C18orf54: variants seen among roughly 807,000 people sequenced by gnomAD.
C18orf54 encodes the protein chromosome 18 open reading frame 54, also known as lung adenoma susceptibility protein 2.
A neutral mutation model predicts 49.3 loss-of-function variants in C18orf54; 49 were observed. The observed-to-expected ratio is 0.99, with a 90% CI of 0.79 to 1.26. The LOEUF is 1.26. Ranked by LOEUF, C18orf54 falls within the 50% of genes most tolerant of loss-of-function variation. C18orf54 has a pLI of 0.00. For missense variants in C18orf54, 687 were observed against 620.6 expected, an observed-to-expected ratio of 1.11 and a Z score of -1.14; for synonymous variants, 211 against 216.6, an observed-to-expected ratio of 0.97 and a Z score of 0.23.
chr18:54,372,542 T>C lies in C18orf54; in HGVS notation c.1403T>C (p.Val468Ala), dbSNP rs1042540935. The change falls in exon 7 of 9, where the codon GTA becomes GCA. Residue 468 changes from valine to alanine, a missense_variant. By Grantham distance (64) the Val-to-Ala change is moderately conservative (BLOSUM62 0). Transcript: ENST00000620105. ...CAAATGTTATTTAACCTTCAAGCAG[T>C]ACAAGAACGTTTTAATCAAAATAAG... ...LKQMLFNLQA[V>A]QERFNQNKTT... 1 of 1,610,674 alleles carries C rather than the reference T, an allele frequency of 6.2e-7. No individual in the cohort carries two copies. Among genetic ancestry groups the C allele is most frequent in the Non-Finnish European group, 8.5e-7 (1 of 1,177,844 alleles).
At chr18:54,367,457 T>A (rs1358723559) in intron 6 of C18orf54, among the ~76,000 whole-genome samples, 1 of 152,068 alleles carries the variant, frequency 6.6e-6, no homozygotes, top group Non-Finnish European at 1.5e-5. Flanking sequence ...TAAGAAAGAG[T>A]TTATTTCTTT....
chr18:54,364,491 A>G (rs1322993497), intron 5 of C18orf54, among the ~76,000 whole-genome samples: 2 of 152,090 alleles, frequency 1.3e-5, no homozygotes, highest in African/African-American at 4.8e-5. Context: ...ACTAAGGGTG[A>G]ATTGCTGAGA....
In C18orf54 at chr18:54,360,702, C is replaced by T. The variant is rs1287489541; in HGVS notation, c.130C>T (p.Leu44=). Residue 44 remains leucine (L), a synonymous_variant, in exon 3 of 9, where the codon CTG becomes TTG. Transcript: ENST00000620105. ...SDGSFHYKDK[L]YRSASQALQA... is the part of the protein sequence containing the mutation. ...TGGCTCGTTTCACTATAAAGATAAG[C>T]TGTACAGATCTGCTTCTCAAGCTCT... 1 of 1,614,048 alleles carries T rather than the reference C, an allele frequency of 6.2e-7. No homozygotes were observed. The highest frequency in any genetic ancestry group is 1.7e-5 in the Admixed American group (1 of 60,022).
intron 8 of C18orf54, among the ~76,000 whole-genome samples, chr18:54,375,421 G>T (rs8087515): frequency 0.73 from 108,477 of 148,270 alleles, 40,096 homozygotes; most frequent in African/African-American, 0.84. Context: ...TGATAGTGAT[G>T]AATTATTCAT....
rs186359095 is a variant in C18orf54 at position 54,368,284 on chromosome 18, G to A, written c.1326+2463G>A. Among the ~76,000 whole-genome samples, 43 of 151,864 alleles carry A rather than the reference G, an allele frequency of 2.8e-4. No homozygotes were observed. The East Asian group carries it at 7.1e-3, about 25-fold the overall frequency. On this transcript the variant is annotated intron_variant, in intron 6 of 8. Transcript: ENST00000620105. ...TCTTGTGTTTGTTTGTTGGTATCTT[G>A]GCATCTTTCTGAATTATTTTCTGTG...
chr18:54,362,202 G>A lies in C18orf54; in HGVS notation c.843G>A (p.Gln281=), dbSNP rs148606843. Residue 281 remains glutamine, a synonymous_variant, in exon 4 of 9, where the codon CAG becomes CAA. Transcript: ENST00000620105. ...LPDANSQRVY[Q]IFKDDQCSPR... is the part of the protein sequence containing the mutation. Reference sequence around the variant, plus strand: ...ATGCAAATAGTCAAAGGGTTTATCAGATATTTAAAGATGATCAGTGTTCCC... The same window carrying A: ...ATGCAAATAGTCAAAGGGTTTATCAAATATTTAAAGATGATCAGTGTTCCC... 122 of 1,536,236 alleles carry A rather than the reference G, an allele frequency of 7.9e-5. No homozygotes were observed. Among genetic ancestry groups the A allele is most frequent in the Non-Finnish European group, 1.0e-4 (119 of 1,146,884 alleles).
At chr18:54,362,998 A>G in intron 5 of C18orf54, 77 bp downstream of exon 5, 1 of 1,352,174 alleles carries the variant, frequency 7.4e-7, no homozygotes, top group Non-Finnish European at 1.0e-6. Context: ...TTATATTTAA[A>G]CGAACGGTAA....
At chr18:54,369,189 T>C (rs1308076617) in intron 6 of C18orf54, among the ~76,000 whole-genome samples, 1 of 152,184 alleles carries the variant, frequency 6.6e-6, no homozygotes, top group Non-Finnish European at 1.5e-5. Flanking sequence ...TGTTTATCTG[T>C]GTACATATAT....
At position 54,379,943 on chromosome 18, in the gene C18orf54, TAA is replaced by T. The variant is rs1310004687; in HGVS notation, c.*1699_*1700del. On this transcript the variant is annotated 3_prime_UTR_variant, in exon 9 of 9. Coordinates refer to ENST00000620105, the MANE Select transcript of C18orf54 (RefSeq NM_001288980.2). ...ATTCATGAGAACATATCTCCAATAC[TAA>T]ATGAGATAAGCCTGTTCTAAAATCT... The T allele has an allele frequency of 6.6e-6, 1 of 152,104 alleles. No homozygotes were observed. The highest frequency in any genetic ancestry group is 1.9e-4 in the East Asian group (1 of 5,204). The allele number at this position is 152,104 out of a possible 1,614,324, so 9.4% of individuals were successfully genotyped here.
intron 8 of C18orf54, among the ~76,000 whole-genome samples, chr18:54,377,948 T>C (rs1302076995): frequency 1.3e-5 from 2 of 152,172 alleles, no homozygotes; most frequent in Non-Finnish European, 2.9e-5. Context: ...TGTCAAAAAA[T>C]ATAATTTTTA....
rs376586413 is a variant in C18orf54, at chr18:54,360,791, T to G, written c.219T>G (p.Ile73Met). The G allele has an allele frequency of 1.2e-6, 2 of 1,613,418 alleles. No homozygotes were observed. The highest frequency in any genetic ancestry group is 2.7e-5 in the African/African-American group (2 of 74,928). The change falls in exon 3 of 9, where the codon ATT becomes ATG. Residue 73 changes from isoleucine (I) to methionine (M), a missense_variant. Transcript: ENST00000620105. ...ATCCTGGTGCAAGCACTGGAAAAAT[T>G]AACATTGATGAGGATTTTACTAATA... ...QIYPGASTGK[I>M]NIDEDFTNMS... is the part of the protein sequence containing the mutation.
At chr18:54,373,901 T>C (rs576601831) in intron 7 of C18orf54, among the ~76,000 whole-genome samples, 4 of 151,934 alleles carry the variant, frequency 2.6e-5, no homozygotes, top group Admixed American at 1.3e-4. Context: ...GAATGTAATC[T>C]ATCTTTCTTT....
rs2089670483 is a variant in C18orf54, at chr18:54,381,399, G to A, written c.*3153G>A. 6.6e-6 allele frequency: 1 copy of A among 152,104 alleles called. No homozygotes were observed. The highest frequency in any genetic ancestry group is 2.1e-4 in the South Asian group (1 of 4,822). The allele number at this position is 152,104 out of a possible 1,614,324, so 9.4% of individuals were successfully genotyped here. The stretch of plus-strand genomic sequence containing the variant: ...CCCTTCAGGACCTTCACTGGGACTA[G>A]TTCATTCATTTTCAAATAGCTATTT... On this transcript the variant is annotated 3_prime_UTR_variant, in exon 9 of 9. Transcript: ENST00000620105.
intron 6 of C18orf54, among the ~76,000 whole-genome samples, chr18:54,366,400 A>G (rs1399607620): frequency 1.3e-5 from 2 of 151,948 alleles, no homozygotes; most frequent in African/African-American, 4.8e-5. Flanking sequence ...TTCTGCTCCT[A>G]GCTTATTTTA....
chr18:54,374,004 G>A (rs1359170498), intron 7 of C18orf54, among the ~76,000 whole-genome samples: 3 of 151,804 alleles, frequency 2.0e-5, no homozygotes, highest in African/African-American at 7.2e-5. Context: ...CATATGTGTA[G>A]AAGTATACTT....
At chr18:54,372,408 C>G in intron 6 of C18orf54, 58 bp from the exon 7 acceptor site, 3 of 1,353,888 alleles carry the variant, frequency 2.2e-6, no homozygotes, top group Non-Finnish European at 2.9e-6. Context: ...CAAAATAAAA[C>G]TCTTCTTTCC....
intron 6 of C18orf54, among the ~76,000 whole-genome samples, chr18:54,370,725 T>G (rs1049260963): frequency 1.3e-5 from 2 of 152,304 alleles, no homozygotes; most frequent in African/African-American, 4.8e-5. Context: ...TTTCTAGTTT[T>G]CTGTCTTCTT....
chr18:54,361,492 A>G (rs2089267968), intron 3 of C18orf54, 151 bp from the exon 4 acceptor site: 1 of 622,214 alleles, frequency 1.6e-6, no homozygotes, highest in Non-Finnish European at 2.6e-6. Context: ...ATCCTGTTTT[A>G]TCCACCTACA....
rs111466602 is a variant in C18orf54, at chr18:54,359,496, A to G, written c.-47+626A>G. ...AGGATGATGTTTTACTTTGTCTCTT[A>G]TTTAATTAGAAAACTTTCGATGTTT... On this transcript the variant is annotated intron_variant, in intron 2 of 8. Coordinates refer to ENST00000620105, the MANE Select transcript of C18orf54 (RefSeq NM_001288980.2). Among the ~76,000 whole-genome samples, 553 of 152,332 alleles carry G rather than the reference A, an allele frequency of 3.6e-3. 6 individuals carry two copies. Among genetic ancestry groups the G allele is most frequent in the African/African-American group, 0.012 (501 of 41,570 alleles).
Sources: gnomAD v4.1 joint callset for allele counts (sites outside exome capture counted in the v4.1 genomes callset) on GRCh38, gnomAD v4.1.1 for gene constraint, MANE v1.5 for transcripts, NCBI Gene and HGNC (gene_info 2026-07-23, HGNC 2026-07-21) for gene names.